NRG2: variants seen among roughly 807,000 people sequenced by gnomAD.
NRG2 encodes the protein neuregulin 2, also known as pro-neuregulin-2, membrane-bound isoform.
Under a neutral mutation model 73.9 loss-of-function variants are expected in NRG2, and 27 were observed. The ratio of observed to expected loss-of-function variants is 0.37; its 90% CI spans 0.27 to 0.50. NRG2 has a LOEUF of 0.50. Ranked by LOEUF, NRG2 falls within the 20% of genes least tolerant of loss-of-function variation. The pLI is 0.96. For synonymous variants in NRG2, 532 were observed against 541.0 expected, an observed-to-expected ratio of 0.98 and a Z score of 0.23; for missense variants, 1,126 against 1,210.1, an observed-to-expected ratio of 0.93 and a Z score of 1.03.
chr5:139,947,073 G>A (rs1753849149), intron 1 of NRG2, among the ~76,000 whole-genome samples: 1 of 151,726 alleles, frequency 6.6e-6, no homozygotes, highest in Non-Finnish European at 1.5e-5. Context: ...GTGCATTGCT[G>A]GCAAAACAGT....
rs758999934 is a variant in NRG2 at position 140,043,031 on chromosome 5, TGGC to T, written c.36_38del (p.Pro13del). The T allele has an allele frequency of 6.5e-7, 1 of 1,536,716 alleles. No individual in the cohort carries two copies. Among genetic ancestry groups the T allele is most frequent in the African/African-American group, 1.4e-5 (1 of 72,884 alleles). Reference sequence around the variant, plus strand: ...AGCTGCTGCACCGACCCTTCTCCAGTGGCGGCGGCGGCAGCGCTGAGCAGCAAA... The same window carrying T: ...AGCTGCTGCACCGACCCTTCTCCAGTGGCGGCGGCAGCGCTGAGCAGCAAA... On this transcript the variant is annotated inframe_deletion, in exon 1 of 10. Coordinates refer to ENST00000361474, the MANE Select transcript of NRG2 (RefSeq NM_004883.3). This position sits in a 1 kb window ranked among gnomAD's most constrained non-coding sequence, Gnocchi z 6.7.
intron 1 of NRG2, among the ~76,000 whole-genome samples, chr5:139,996,967 C>T (rs1758063106): frequency 6.6e-6 from 1 of 151,934 alleles, no homozygotes; most frequent in African/African-American, 2.4e-5. Context: ...ACAGTGAAAC[C>T]CTGTCTCTAC....
At chr5:139,861,769 C>G (rs201023541) in intron 5 of NRG2, 349 of 515,890 alleles carry the variant, frequency 6.8e-4, no homozygotes, top group Non-Finnish European at 1.2e-3. Context: ...TCAAAGAACC[C>G]TGGCGCACCT....
intron 3 of NRG2, among the ~76,000 whole-genome samples, chr5:139,876,146 T>C (rs1053914253): frequency 6.6e-6 from 1 of 152,154 alleles, no homozygotes; most frequent in Non-Finnish European, 1.5e-5. Context: ...AAATAAAATG[T>C]GGTATGTCTA....
intron 1 of NRG2, among the ~76,000 whole-genome samples, chr5:140,020,875 G>T (rs189636828): frequency 2.3e-4 from 35 of 152,330 alleles, no homozygotes; most frequent in African/African-American, 7.7e-4. Context: ...GTTCATGTGT[G>T]GGGGTGGAGA....
intron 1 of NRG2, among the ~76,000 whole-genome samples, chr5:139,898,843 G>A (rs577968163): frequency 6.6e-6 from 1 of 152,186 alleles, no homozygotes; most frequent in Non-Finnish European, 1.5e-5. Context: ...TCTGGATTGT[G>A]CCTTATTTCC....
Position 139,852,684 on chromosome 5 carries a change from G to A in NRG2, c.1417-125C>T. 6.8e-7 allele frequency: 1 copy of A among 1,461,458 alleles called. No individual in the cohort carries two copies. The highest frequency in any genetic ancestry group is 9.3e-7 in the Non-Finnish European group (1 of 1,074,398). 90.5% of individuals were successfully genotyped at this position (1,461,458 alleles called of 1,614,324 possible). A position where few individuals can be genotyped will look rare whatever the true frequency, so the allele number is the denominator to read the frequency against. ...TTGGGGAGACCCACTGTGTGAGAGT[G>A]ACTTGATGTTGGGGCAGCGATGGCT... On this transcript the variant is annotated intron_variant, in intron 7 of 9. Coordinates refer to ENST00000361474, the MANE Select transcript of NRG2 (RefSeq NM_004883.3). This position sits in a 1 kb window ranked among gnomAD's most constrained non-coding sequence, Gnocchi z 4.4.
intron 3 of NRG2, among the ~76,000 whole-genome samples, chr5:139,872,326 G>T (rs908594424): frequency 6.6e-6 from 1 of 152,224 alleles, no homozygotes; most frequent in South Asian, 2.1e-4. Context: ...CTGGAAGGGA[G>T]CTGGGCCTTC....
intron 1 of NRG2, among the ~76,000 whole-genome samples, chr5:139,949,998 G>A (rs1270105355): frequency 6.6e-6 from 1 of 152,210 alleles, no homozygotes; most frequent in African/African-American, 2.4e-5. Flanking sequence ...AATGGCATGT[G>A]TGTGACAAAG....
chr5:139,864,214 G>C (rs1762329576), intron 5 of NRG2, among the ~76,000 whole-genome samples: 1 of 152,088 alleles, frequency 6.6e-6, no homozygotes, highest in South Asian at 2.1e-4. Context: ...CGGACCCCTG[G>C]TCCTCAAGCA....
chr5:139,860,015 C>T, intron 5 of NRG2: 1 of 1,189,022 alleles, frequency 8.4e-7, no homozygotes, highest in East Asian at 2.4e-5. Context: ...TTGGTCAGGA[C>T]TCCTCAGACA....
intron 1 of NRG2, among the ~76,000 whole-genome samples, chr5:139,896,664 CTT>C (rs1561663563): frequency 6.6e-6 from 1 of 152,196 alleles, no homozygotes; most frequent in Non-Finnish European, 1.5e-5. Context: ...CTTTCAGTCA[CTT>C]TATCTGTGAC....
chr5:140,022,156 T>C (rs531058409), intron 1 of NRG2, among the ~76,000 whole-genome samples: 65 of 152,216 alleles, frequency 4.3e-4, no homozygotes, highest in Non-Finnish European at 7.1e-4. Flanking sequence ...CATTGTACAG[T>C]GTGCTGGTCC....
chr5:139,940,860 T>C (rs1753342204), intron 1 of NRG2, among the ~76,000 whole-genome samples: 1 of 152,176 alleles, frequency 6.6e-6, no homozygotes, highest in African/African-American at 2.4e-5. Context: ...AAGATGCTGA[T>C]ACAGGGAAGT....
chr5:139,847,980 C>T lies in NRG2; in HGVS notation c.2490G>A (p.Arg830=), dbSNP rs1761100337. The change falls in exon 10 of 10, where the codon CGG becomes CGA. Residue 830 remains arginine, a synonymous_variant. Coordinates refer to ENST00000361474, the MANE Select transcript of NRG2 (RefSeq NM_004883.3). ...TYYSLDSHST[R]ASSRHSRGPP... ...GCCCGCGGCTGTGTCTGCTGCTGGC[C>T]CGCGTGCTGTGGCTGTCCAGTGAGT... 2.0e-6 allele frequency: 3 copies of T among 1,513,814 alleles called. No homozygotes were observed. The highest frequency in any genetic ancestry group is 2.1e-5 in the Admixed American group (1 of 47,948). 93.8% of individuals were successfully genotyped at this position (1,513,814 alleles called of 1,614,324 possible).
chr5:139,960,081 A>T (rs1483947482), intron 1 of NRG2, among the ~76,000 whole-genome samples: 1 of 152,222 alleles, frequency 6.6e-6, no homozygotes, highest in Non-Finnish European at 1.5e-5. Context: ...AATTCATTCC[A>T]CACATCAATT....
intron 1 of NRG2, among the ~76,000 whole-genome samples, chr5:139,988,740 A>G (rs1161969036): frequency 2.0e-5 from 3 of 152,016 alleles, no homozygotes; most frequent in Non-Finnish European, 4.4e-5. Flanking sequence ...CCAAACCCAT[A>G]GAATGTACAC....
chr5:140,021,816 T>C (rs1332016644), intron 1 of NRG2, among the ~76,000 whole-genome samples: 1 of 152,118 alleles, frequency 6.6e-6, no homozygotes, highest in African/African-American at 2.4e-5. Context: ...AGCCTTTCTG[T>C]AGGGAATATT....
At chr5:139,906,459 T>G (rs909455913) in intron 1 of NRG2, among the ~76,000 whole-genome samples, 1 of 152,146 alleles carries the variant, frequency 6.6e-6, no homozygotes, top group Non-Finnish European at 1.5e-5. Context: ...GCCACTTTAC[T>G]TACAAGTCAC....
Sources: gnomAD v4.1 joint callset for allele counts (sites outside exome capture counted in the v4.1 genomes callset) on GRCh38, gnomAD v4.1.1 for gene constraint, Gnocchi (gnomAD v3.1) non-coding constraint, MANE v1.5 for transcripts, NCBI Gene and HGNC (gene_info 2026-07-23, HGNC 2026-07-21) for gene names.